The following TTN variants were observed in gnomAD, a reference collection of about 807,000 sequenced individuals.
TTN encodes connectin.
In TTN, 1,525 loss-of-function variants were observed where a neutral mutation model predicts 3,223.0. The observed-to-expected ratio is 0.47, with a 90% confidence interval of 0.45 to 0.49. TTN has a LOEUF of 0.49. TTN is among the 20% of genes least tolerant of loss of function. The probability of loss-of-function intolerance (pLI) is 0.00; values close to 1 mark genes in which losing one functional copy is unlikely to be tolerated. For missense variants in TTN, 40,786 were observed against 43,424.0 expected (o/e 0.94, Z 5.40); for synonymous variants, 14,094 against 15,161.0 (o/e 0.93, Z 5.17).
chr2:178,743,067 C>G (rs910107511), intron 47 of TTN: 3 of 151,976 alleles, frequency 2.0e-5, no homozygotes, highest in African/African-American at 7.2e-5. Context: ...ACATAATTCG[C>G]GTTACCTTTC....
In TTN at chr2:178,671,090, C is replaced by G. The variant is rs548964552; in HGVS notation, c.35308G>C (p.Val11770Leu). ...TAGTAATTTTTCACAAAGAAGATACCTTTAGCTGGTGGCTCTTTTCGAGGA... is the reference window on the plus strand; with the variant it reads ...TAGTAATTTTTCACAAAGAAGATACGTTTAGCTGGTGGCTCTTTTCGAGGA... ...VVPRKEPPAK[V>L]PEVPKKIVVE... The change falls in exon 156 of 363, where the codon GTA becomes CTA. Residue 11770 changes from valine to leucine, a missense_variant and splice_region_variant. Transcript: ENST00000589042. The G allele has an allele frequency of 3.1e-6, 5 of 1,601,268 alleles. No individual in the cohort carries two copies. Among genetic ancestry groups the G allele is most frequent in the Non-Finnish European group, 4.3e-6 (5 of 1,174,778 alleles).
At chr2:178,649,952 A>G in intron 210 of TTN, 58 bp from the exon 211 acceptor site, 1 of 1,541,880 alleles carries the variant, frequency 6.5e-7, no homozygotes, top group East Asian at 2.2e-5. Context: ...ATTTAATGCT[A>G]ATGAATGAAT....
rs72629785 is a variant in TTN at position 178,533,252 on chromosome 2, G to T, written c.103363C>A (p.Arg34455Ser). 3.7e-6 allele frequency: 6 copies of T among 1,613,918 alleles called. No individual in the cohort carries two copies. Among genetic ancestry groups the T allele is most frequent in the Admixed American group, 1.7e-5 (1 of 60,016 alleles). ...AATTCCTGTTTCTTGTACCTCAGGC[G>T]TTCCACTTGTAGGTGAGCCTGGCAG... ...TSCQAHLQVE[R>S]LRYKKQEFKS... Residue 34455 changes from arginine (R) to serine (S), a missense_variant, in exon 358 of 363, where the codon CGC becomes AGC. Transcript: ENST00000589042.
At position 178,539,499 on chromosome 2, in the gene TTN, C is replaced by A. The variant is rs1693334476; in HGVS notation, c.98566G>T (p.Val32856Leu). Residue 32856 changes from valine to leucine, a missense_variant, in exon 352 of 363, where the codon GTG becomes TTG. Physicochemically the swap from Val to Leu is conservative, Grantham distance 32. Transcript: ENST00000589042. The stretch of plus-strand genomic sequence containing the variant: ...ACATTCTCTTTGAGGCCTTTTACCA[C>A]CAGAGATGTACCTCGGACTCTGGAA... ...IDSRVRGTSL[V>L]VKGLKENVEY... 1 of 1,613,684 alleles carries A rather than the reference C, an allele frequency of 6.2e-7. No homozygotes were observed. Among genetic ancestry groups the A allele is most frequent in the Non-Finnish European group, 8.5e-7 (1 of 1,179,806 alleles).
In TTN at chr2:178,592,820, C is replaced by T. The variant is rs1559606296; in HGVS notation, c.59299G>A (p.Asp19767Asn). The T allele has an allele frequency of 6.2e-7, 1 of 1,613,536 alleles. No individual in the cohort carries two copies. The highest frequency in any genetic ancestry group is 1.7e-4 in the Middle Eastern group (1 of 6,054). ...ACTGGCTCCGGAACATGAGCTGGAT[C>T]TGATTCACCAGCTGCATTGACTGCT... Reference protein sequence around the residue: ...VLAVNAAGESDPAHVPEPVLV... With the variant: ...VLAVNAAGESNPAHVPEPVLV... The change falls in exon 300 of 363, where the codon GAT becomes AAT. Residue 19767 changes from aspartate to asparagine, a missense_variant. Coordinates refer to ENST00000589042, the MANE Select transcript of TTN (RefSeq NM_001267550.2).
rs13398235 is a variant in TTN at position 178,713,977 on chromosome 2, G to A, written c.26681C>T (p.Pro8894Leu). ...AAAACTGTATACCCCACTGTCACTC[G>A]GTGCTACATTGATGATCTTAAGGCC... ...VSGLKIINVA[P>L]SDSGVYSFEV... Residue 8894 changes from proline (P) to leucine (L), a missense_variant, in exon 92 of 363, where the codon CCG becomes CTG. Coordinates refer to ENST00000589042, the MANE Select transcript of TTN (RefSeq NM_001267550.2). 0.047 allele frequency: 76,237 copies of A among 1,613,384 alleles called. 3,935 individuals carry two copies. The highest frequency in any genetic ancestry group is 0.18 in the Admixed American group (10,615 of 59,940).
chr2:178,640,424 C>T, intron 221 of TTN, 117 bp downstream of exon 221: 4 of 936,226 alleles, frequency 4.3e-6, no homozygotes, highest in Admixed American at 5.1e-5. Flanking sequence ...AAAATTAAGC[C>T]ATATGTGATT....
At chr2:178,542,621 C>CT (rs1374764557) in intron 348 of TTN, 41 bp downstream of exon 348, 2 of 1,597,956 alleles carry the variant, frequency 1.3e-6, no homozygotes, top group South Asian at 1.1e-5. Context: ...AATTGGGTGA[C>CT]TGAACATCAA....
intron 33 of TTN, chr2:178,772,873 T>C (rs1422585838): frequency 9.0e-6 from 5 of 556,620 alleles, no homozygotes; most frequent in Non-Finnish European, 6.3e-6. Context: ...AGAGATCATA[T>C]ACAAATGGAG....
At position 178,775,971 on chromosome 2, in the gene TTN, C is replaced by A. The variant is rs1482376558; in HGVS notation, c.5893G>T (p.Asp1965Tyr). Residue 1965 changes from aspartate to tyrosine, a missense_variant, in exon 28 of 363, where the codon GAT (aspartate) becomes TAT (tyrosine). By Grantham distance (160) the Asp-to-Tyr change is radical. Transcript: ENST00000589042. ...GTTTCAGTGGTGTCAACAGGTCTAT[C>A]CACTTTTTGTACTTCAAACTGAAGC... ...GKLQFEVQKV[D>Y]RPVDTTETKE... 1 of 1,614,130 alleles carries A rather than the reference C, an allele frequency of 6.2e-7. No homozygotes were observed.
At chr2:178,646,995 A>T (rs906161481) in intron 215 of TTN, 69 bp downstream of exon 215, 4 of 541,038 alleles carry the variant, frequency 7.4e-6, no homozygotes. Context: ...TGTCCTGTAA[A>T]TGCTTTTGTA....
rs1027103829 is a variant in TTN at position 178,731,727 on chromosome 2, G to A, written c.17148C>T (p.Gly5716=). The part of the protein sequence containing the change: ...EYQCRVTNEV[G]SSICSARVTL... ...TCACCCTGGCACTGCAGATGCTGCT[G>A]CCCACCTCATTGGTCACCCGACACT... The change falls in exon 58 of 363, where the codon GGC becomes GGT. Residue 5716 remains glycine (G), a synonymous_variant. Coordinates refer to ENST00000589042, the MANE Select transcript of TTN (RefSeq NM_001267550.2). 1 of 1,613,132 alleles carries A rather than the reference G, an allele frequency of 6.2e-7. No individual in the cohort carries two copies. Among genetic ancestry groups the A allele is most frequent in the Non-Finnish European group, 8.5e-7 (1 of 1,179,294 alleles).
rs1426502571 is a variant in TTN, at chr2:178,583,877, C to T, written c.65305G>A (p.Val21769Ile). ...DPPGKPEVID[V>I]TKSTVSLIWA... ...ATCAGAGATACAGTACTCTTGGTGA[C>T]ATCAATAACCTCAGGTTTCCCAGGA... is the stretch of plus-strand genomic sequence containing the variant. Residue 21769 changes from valine (V) to isoleucine (I), a missense_variant, in exon 312 of 363, where the codon GTC (valine) becomes ATC (isoleucine). Val to Ile is a conservative substitution (Grantham distance 29, BLOSUM62 3). Coordinates refer to ENST00000589042, the MANE Select transcript of TTN (RefSeq NM_001267550.2). The T allele has an allele frequency of 6.3e-7, 1 of 1,592,122 alleles. No individual in the cohort carries two copies. The highest frequency in any genetic ancestry group is 2.3e-5 in the East Asian group (1 of 44,088).
chr2:178,736,255 T>C (rs1168130605), intron 49 of TTN, among the ~76,000 whole-genome samples, 181 bp from the exon 50 acceptor site: 1 of 152,168 alleles, frequency 6.6e-6, no homozygotes, highest in Non-Finnish European at 1.5e-5. Flanking sequence ...GAGAGTGTTC[T>C]TTATAAGGGA....
Position 178,577,679 on chromosome 2 carries a change from A to G in TTN, c.68747T>C (p.Ile22916Thr). 6.2e-7 allele frequency: 1 copy of G among 1,613,298 alleles called. No homozygotes were observed. Among genetic ancestry groups the G allele is most frequent in the Non-Finnish European group, 8.5e-7 (1 of 1,179,552 alleles). ...LVEGGKYEFR[I>T]RAKNTAGAIS... ...AGCACCTGCTGTATTCTTTGCTCTA[A>G]TTCTGAATTCATATTTTCCACCCTC... The change falls in exon 323 of 363, where the codon ATT becomes ACT. Residue 22916 changes from isoleucine (I) to threonine (T), a missense_variant. Transcript: ENST00000589042.
chr2:178,791,351 A>G (rs868354556), intron 10 of TTN, among the ~76,000 whole-genome samples: 50 of 152,178 alleles, frequency 3.3e-4, no homozygotes, highest in African/African-American at 1.2e-3. Context: ...TAAGATCAGC[A>G]AAGAGCTTGA....
In TTN at chr2:178,695,873, ACCT is replaced by A. The variant is rs2073616201; in HGVS notation, c.31196_31198del (p.Glu10399del). 6.9e-7 allele frequency: 1 copy of A among 1,453,496 alleles called. No individual in the cohort carries two copies. The highest frequency in any genetic ancestry group is 1.4e-5 in the African/African-American group (1 of 69,692). The allele number at this position is 1,453,496 out of a possible 1,614,324, so 90.0% of individuals were successfully genotyped here. The stretch of plus-strand genomic sequence containing the variant: ...ATTCAGTTTATACATACCTTCATAG[ACCT>A]CCTTTTGAACTTGAATTACTTCCCT... On this transcript the variant is annotated inframe_deletion, in exon 114 of 363. Coordinates refer to ENST00000589042, the MANE Select transcript of TTN (RefSeq NM_001267550.2).
In TTN at chr2:178,715,569, T is replaced by C. The variant is rs758944073; in HGVS notation, c.25845A>G (p.Glu8615=). 11 of 1,613,504 alleles carry C rather than the reference T, an allele frequency of 6.8e-6. No individual in the cohort carries two copies. The East Asian group carries it at 2.5e-4, about 36-fold the overall frequency. Reference sequence around the variant, plus strand: ...CCTCACAGGTGTAGTCTCCACTGTCTTCAACACTGAGATTGTGCATTTCCA... The same window carrying C: ...CCTCACAGGTGTAGTCTCCACTGTCCTCAACACTGAGATTGTGCATTTCCA... The part of the protein sequence containing the change: ...AVLEMHNLSV[E]DSGDYTCEAH... Residue 8615 remains glutamate (E), a synonymous_variant, in exon 89 of 363, where the codon GAA becomes GAG. Coordinates refer to ENST00000589042, the MANE Select transcript of TTN (RefSeq NM_001267550.2).
At chr2:178,545,716 T>A (rs777580244) in intron 343 of TTN, 23 bp from the exon 344 acceptor site, 2 of 1,606,294 alleles carry the variant, frequency 1.2e-6, no homozygotes, top group South Asian at 2.2e-5. Context: ...ATAAGGATGA[T>A]GAGAATTGCA....
Sources: gnomAD v4.1 joint callset for allele counts (sites outside exome capture counted in the v4.1 genomes callset) on GRCh38, gnomAD v4.1.1 for gene constraint, MANE v1.5 for transcripts, NCBI Gene and HGNC (gene_info 2026-07-23, HGNC 2026-07-21) for gene names.